Variants in PKHD1 observed in about 807,000 individuals in gnomAD.
PKHD1 encodes the protein PKHD1 ciliary IPT domain containing fibrocystin/polyductin, also known as fibrocystin.
A neutral mutation model predicts 412.0 loss-of-function variants in PKHD1; 291 were observed. The ratio of observed to expected loss-of-function variants is 0.71; its 90% confidence interval spans 0.64 to 0.78. PKHD1 has a LOEUF of 0.78. Among genes scored for constraint, PKHD1 ranks in the 30% least tolerant of loss-of-function variants. The probability of loss-of-function intolerance (pLI) is 0.00; values close to 1 mark genes in which losing one functional copy is unlikely to be tolerated. For synonymous variants in PKHD1, 1,777 were observed against 1,821.5 expected (o/e 0.98, Z 0.62); for missense variants, 4,825 against 4,950.7 (o/e 0.97, Z 0.76).
chr6:51,945,053 G>T (rs1328152610), intron 36 of PKHD1, among the ~76,000 whole-genome samples: 1 of 152,072 alleles, frequency 6.6e-6, no homozygotes, highest in Non-Finnish European at 1.5e-5. Flanking sequence ...TCCTTTCATT[G>T]TCATTACATA....
intron 10 of PKHD1, among the ~76,000 whole-genome samples, chr6:52,069,887 T>TA (rs1447316163): frequency 3.9e-5 from 6 of 152,194 alleles, no homozygotes; most frequent in African/African-American, 1.4e-4. Flanking sequence ...GCTGTATAGC[T>TA]ATAATTGTCA....
intron 19 of PKHD1, among the ~76,000 whole-genome samples, chr6:52,055,051 C>T (rs746109773): frequency 6.6e-5 from 10 of 152,146 alleles, no homozygotes; most frequent in Non-Finnish European, 1.2e-4. Context: ...GAAGTGTTTG[C>T]GAAATGCATC....
intron 57 of PKHD1, among the ~76,000 whole-genome samples, chr6:51,752,161 G>T (rs1031566084): frequency 6.6e-6 from 1 of 152,148 alleles, no homozygotes; most frequent in African/African-American, 2.4e-5. Context: ...GTTCTTAAAA[G>T]AATGGTTCAA....
chr6:51,666,279 A>G (rs1773755884), intron 60 of PKHD1, among the ~76,000 whole-genome samples: 1 of 152,218 alleles, frequency 6.6e-6, no homozygotes, highest in African/African-American at 2.4e-5. Context: ...TAAGTACCAC[A>G]AACATGATAA....
chr6:52,030,793 A>G (rs963300821), intron 29 of PKHD1, among the ~76,000 whole-genome samples: 2 of 152,192 alleles, frequency 1.3e-5, no homozygotes, highest in Non-Finnish European at 2.9e-5. Context: ...AGGGTATTTT[A>G]TAGCCCCAGG....
rs139717966 is a variant in PKHD1 at position 51,729,814 on chromosome 6, G to A, written c.10156+14571C>T. On this transcript the variant is annotated intron_variant, in intron 60 of 66. Transcript: ENST00000371117. ...TTAGAAGTGGTGGAAATCTTTATTAGGTTTATCTTTTTAATCCTTATAATA... is the reference window on the plus strand; with the variant it reads ...TTAGAAGTGGTGGAAATCTTTATTAAGTTTATCTTTTTAATCCTTATAATA... Among the ~76,000 whole-genome samples, 1,170 of 152,108 alleles carry A rather than the reference G, an allele frequency of 7.7e-3. 11 individuals carry two copies. The highest frequency in any genetic ancestry group is 0.012 in the Non-Finnish European group (785 of 67,972).
rs1802691340 is a variant in PKHD1 at position 52,029,297 on chromosome 6, G to C, written c.3365-946C>G. ...TTTCAGTGTCCTTTTAGTTTAATTA[G>C]CAACTCTATTAAAATGTGTACACTA... On this transcript the variant is annotated intron_variant, in intron 29 of 66. Coordinates refer to ENST00000371117, the MANE Select transcript of PKHD1 (RefSeq NM_138694.4). 2.0e-5 allele frequency among the ~76,000 whole-genome samples: 3 copies of C among 152,176 alleles called. No individual in the cohort carries two copies. The South Asian group carries it at 6.2e-4, about 32-fold the overall frequency.
chr6:51,833,778 G>A (rs781583657), intron 51 of PKHD1, among the ~76,000 whole-genome samples: 10 of 152,156 alleles, frequency 6.6e-5, no homozygotes, highest in Middle Eastern at 3.2e-3. Context: ...TGGAGGTAAG[G>A]AAGGAAAGAT....
At chr6:51,855,799 A>T in intron 49 of PKHD1, 94 bp downstream of exon 49, 1 of 989,796 alleles carries the variant, frequency 1.0e-6, no homozygotes, top group East Asian at 2.4e-5. Flanking sequence ...CAATAACGAG[A>T]TAACCTGCTC....
intron 1 of PKHD1, 22 bp from the exon 2 acceptor site, chr6:52,085,039 A>C (rs1302811174): frequency 1.1e-5 from 8 of 755,912 alleles, no homozygotes; most frequent in Non-Finnish European, 1.9e-5. Flanking sequence ...CAAAAAAAGC[A>C]AAAAAAAATT....
At position 51,627,965 on chromosome 6, in the gene PKHD1, T is replaced by A. The variant is rs556138712; in HGVS notation, c.11666-849A>T. Among the ~76,000 whole-genome samples the A allele has an allele frequency of 2.6e-5, 4 of 152,308 alleles. No homozygotes were observed. In the East Asian group the frequency reaches 5.8e-4, roughly 22 times the overall value. Reference sequence around the variant, plus strand: ...CCCTACCCTCACTGAGCTTTTATTCTAGTTTGGATGGCAGAGGACAAACAA... The same window carrying A: ...CCCTACCCTCACTGAGCTTTTATTCAAGTTTGGATGGCAGAGGACAAACAA... On this transcript the variant is annotated intron_variant, in intron 65 of 66. Coordinates refer to ENST00000371117, the MANE Select transcript of PKHD1 (RefSeq NM_138694.4).
At chr6:51,961,498 A>G (rs1561994892) in intron 35 of PKHD1, among the ~76,000 whole-genome samples, 2 of 152,252 alleles carry the variant, frequency 1.3e-5, no homozygotes, top group South Asian at 4.1e-4. Flanking sequence ...GAACTGCAGT[A>G]TCTGTAGGCT....
intron 60 of PKHD1, among the ~76,000 whole-genome samples, chr6:51,697,799 C>T (rs948888512): frequency 4.6e-5 from 7 of 152,208 alleles, no homozygotes; most frequent in Non-Finnish European, 8.8e-5. Context: ...CAACAGCAAA[C>T]ATTCTTATTG....
In PKHD1 at chr6:51,618,701, C is replaced by A; in HGVS notation, c.*380G>T. On this transcript the variant is annotated 3_prime_UTR_variant, in exon 67 of 67. Transcript: ENST00000371117. ...TGACCAGACCTTTTCATGATCCCTT[C>A]TATAAAAGAAGCTCAAAGCATTGTG... 1 of 341,072 alleles carries A rather than the reference C, an allele frequency of 2.9e-6. No individual in the cohort carries two copies. Among genetic ancestry groups the A allele is most frequent in the Non-Finnish European group, 5.7e-6 (1 of 176,986 alleles). 21.1% of individuals were successfully genotyped at this position (341,072 alleles called of 1,614,324 possible).
At position 51,674,640 on chromosome 6, in the gene PKHD1, A is replaced by G. The variant is rs114533703; in HGVS notation, c.10157-14671T>C. On this transcript the variant is annotated intron_variant, in intron 60 of 66. Coordinates refer to ENST00000371117, the MANE Select transcript of PKHD1 (RefSeq NM_138694.4). ...CTTTGGCAAAGTTAAATGTAGTCTA[A>G]ATAACTCCCCTTTTGGCCTGTGTTT... is the stretch of plus-strand genomic sequence containing the variant. 3.0e-3 allele frequency among the ~76,000 whole-genome samples: 451 copies of G among 152,312 alleles called. 2 individuals carry two copies. Among genetic ancestry groups the G allele is most frequent in the African/African-American group, 0.01 (436 of 41,570 alleles).
chr6:51,780,770 A>G (rs1010176950), intron 53 of PKHD1, among the ~76,000 whole-genome samples: 1 of 152,184 alleles, frequency 6.6e-6, no homozygotes, highest in African/African-American at 2.4e-5. Context: ...TTAAATGACT[A>G]TGTTCCGAGA....
At chr6:51,992,674 T>C (rs554617457) in intron 35 of PKHD1, among the ~76,000 whole-genome samples, 1 of 152,250 alleles carries the variant, frequency 6.6e-6, no homozygotes, top group Non-Finnish European at 1.5e-5. Context: ...AAGGCTTCAA[T>C]GAGAGGCTGG....
At chr6:52,063,790 C>T (rs902968386) in intron 13 of PKHD1, among the ~76,000 whole-genome samples, 1 of 152,204 alleles carries the variant, frequency 6.6e-6, no homozygotes, top group Non-Finnish European at 1.5e-5. Context: ...GGCAACATTG[C>T]CCCTGGTTGA....
intron 60 of PKHD1, among the ~76,000 whole-genome samples, chr6:51,706,330 A>G (rs1780013341): frequency 6.6e-6 from 1 of 152,090 alleles, no homozygotes; most frequent in Non-Finnish European, 1.5e-5. Flanking sequence ...ATGGCCCTTT[A>G]TGCATGTAAG....
Sources: allele counts gnomAD v4.1 joint callset (sites outside exome capture counted in the v4.1 genomes callset), GRCh38; gene constraint gnomAD v4.1.1; transcripts MANE v1.5; gene names NCBI Gene and HGNC (gene_info 2026-07-23, HGNC 2026-07-21).